CFAP54: variants seen among roughly 807,000 people sequenced by gnomAD.
CFAP54 encodes the protein cilia and flagella associated protein 54.
Under a neutral mutation model 370.4 loss-of-function variants are expected in CFAP54, and 290 were observed. That is an observed-to-expected ratio of 0.78 (90% CI 0.71 to 0.86). The LOEUF is 0.86. CFAP54 is among the 40% of genes least tolerant of loss of function. The pLI is 0.00. For synonymous variants in CFAP54, 1,206 were observed against 1,236.5 expected, an observed-to-expected ratio of 0.98 and a Z score of 0.52; for missense variants, 3,399 against 3,528.7, an observed-to-expected ratio of 0.96 and a Z score of 0.93.
intron 50 of CFAP54, 102 bp downstream of exon 50, chr12:96,720,667 A>G (rs1957740472): frequency 2.1e-6 from 2 of 962,292 alleles, no homozygotes; most frequent in Non-Finnish European, 2.8e-6. Context: ...AGAAATTCCT[A>G]TATCCATAGT....
chr12:96,508,684 G>A lies in CFAP54; in HGVS notation c.739+1585G>A, dbSNP rs568572377. ...CCTTTTCTCTTTTTTAATACACATGGCATTGTGCTCTAGATTTTATTCTGT... is the reference window on the plus strand; with the variant it reads ...CCTTTTCTCTTTTTTAATACACATGACATTGTGCTCTAGATTTTATTCTGT... On this transcript the variant is annotated intron_variant, in intron 4 of 67. Transcript: ENST00000524981. Among the ~76,000 whole-genome samples, 81 of 149,986 alleles carry A rather than the reference G, an allele frequency of 5.4e-4. No individual in the cohort carries two copies. In the Middle Eastern group the frequency reaches 0.01, roughly 19 times the overall value.
At chr12:96,529,225 TTTG>T (rs1481362401) in intron 9 of CFAP54, among the ~76,000 whole-genome samples, 11 of 152,184 alleles carry the variant, frequency 7.2e-5, no homozygotes, top group Admixed American at 3.3e-4. Flanking sequence ...CTATGTATTT[TTTG>T]TTGTTGTTGG....
At chr12:96,794,382 AG>A (rs1278098063) in intron 63 of CFAP54, among the ~76,000 whole-genome samples, 1 of 150,742 alleles carries the variant, frequency 6.6e-6, no homozygotes, top group Admixed American at 6.6e-5. Flanking sequence ...AATTATTCTT[AG>A]GTTTAGTTGT....
At chr12:96,845,765 C>A (rs1959325816) in intron 66 of CFAP54, among the ~76,000 whole-genome samples, 2 of 152,146 alleles carry the variant, frequency 1.3e-5, no homozygotes, top group African/African-American at 4.8e-5. Flanking sequence ...GGCTTCCCAA[C>A]AATGAACTCA....
intron 14 of CFAP54, among the ~76,000 whole-genome samples, chr12:96,542,317 C>T (rs1309888328): frequency 6.6e-6 from 1 of 152,112 alleles, no homozygotes; most frequent in Non-Finnish European, 1.5e-5. Flanking sequence ...TAGCCTGGAC[C>T]TTTTTAGTCT....
At chr12:96,821,786 A>G (rs772691783) in intron 65 of CFAP54, among the ~76,000 whole-genome samples, 2 of 151,720 alleles carry the variant, frequency 1.3e-5, no homozygotes, top group African/African-American at 2.4e-5. Context: ...TGTCATGACA[A>G]CCTTCACATG....
At chr12:96,858,614 A>G (rs1034820021) in intron 66 of CFAP54, among the ~76,000 whole-genome samples, 2 of 152,124 alleles carry the variant, frequency 1.3e-5, no homozygotes, top group African/African-American at 4.8e-5. Context: ...CAGGGTTTGT[A>G]TAGTGTTGAA....
intron 67 of CFAP54, among the ~76,000 whole-genome samples, chr12:96,871,862 G>GA (rs936842937): frequency 2.6e-5 from 4 of 151,984 alleles, no homozygotes; most frequent in Non-Finnish European, 5.9e-5. Flanking sequence ...TAAGCACTGA[G>GA]AAAAAAATGA....
intron 33 of CFAP54, chr12:96,646,773 T>TA (rs1956798086): frequency 6.6e-6 from 1 of 152,174 alleles, no homozygotes; most frequent in African/African-American, 2.4e-5. Context: ...TATGCAGCCA[T>TA]AAAAAATGAT....
At chr12:96,591,992 T>C (rs1448839112) in intron 23 of CFAP54, among the ~76,000 whole-genome samples, 2 of 151,986 alleles carry the variant, frequency 1.3e-5, no homozygotes, top group African/African-American at 2.4e-5. Context: ...AATGACTCAG[T>C]TGATGTAATC....
intron 56 of CFAP54, among the ~76,000 whole-genome samples, chr12:96,756,077 G>A (rs1207622194): frequency 6.6e-6 from 1 of 152,170 alleles, no homozygotes; most frequent in Non-Finnish European, 1.5e-5. Flanking sequence ...GAGGGCAGAT[G>A]TTTTCTATGA....
intron 66 of CFAP54, among the ~76,000 whole-genome samples, chr12:96,854,331 G>A (rs950081698): frequency 2.6e-5 from 4 of 151,976 alleles, no homozygotes; most frequent in Non-Finnish European, 5.9e-5. Context: ...TAGCGAAATA[G>A]CAAAACAACA....
chr12:96,535,367 A>G (rs1955490983), intron 11 of CFAP54, 148 bp from the exon 12 acceptor site: 4 of 608,852 alleles, frequency 6.6e-6, no homozygotes, highest in Non-Finnish European at 1.2e-5. Flanking sequence ...GTTTTCATAT[A>G]GAAGTATTTA....
At chr12:96,748,100 G>T (rs1958138516) in intron 55 of CFAP54, among the ~76,000 whole-genome samples, 1 of 151,874 alleles carries the variant, frequency 6.6e-6, no homozygotes, top group African/African-American at 2.4e-5. Context: ...TCCCTCATAG[G>T]CCATCCCCAG....
intron 6 of CFAP54, 23 bp downstream of exon 6, chr12:96,519,094 G>T: frequency 4.6e-6 from 7 of 1,506,466 alleles, no homozygotes; most frequent in Non-Finnish European, 6.2e-6. Context: ...TTAACTCTGA[G>T]GAGTCGAGTT....
chr12:96,617,948 C>G (rs1220265551), intron 26 of CFAP54, among the ~76,000 whole-genome samples: 1 of 141,922 alleles, frequency 7.0e-6, no homozygotes, highest in African/African-American at 2.6e-5. Context: ...CGAGATTATG[C>G]CACTGTACTC....
At chr12:96,825,766 T>G (rs1959092321) in intron 65 of CFAP54, among the ~76,000 whole-genome samples, 1 of 127,974 alleles carries the variant, frequency 7.8e-6, no homozygotes, top group African/African-American at 3.1e-5. Flanking sequence ...TGTATCATGA[T>G]ATATATTACA....
At chr12:96,740,902 A>T (rs1336119719) in intron 51 of CFAP54, among the ~76,000 whole-genome samples, 1 of 152,128 alleles carries the variant, frequency 6.6e-6, no homozygotes, top group Non-Finnish European at 1.5e-5. Flanking sequence ...AAGTTGCTAA[A>T]CTTCCTTTAA....
chr12:96,737,680 G>C (rs574482313), intron 50 of CFAP54, among the ~76,000 whole-genome samples: 1 of 151,810 alleles, frequency 6.6e-6, no homozygotes, highest in Non-Finnish European at 1.5e-5. Context: ...AGTAGAGACG[G>C]GGTTTCACCG....
Sources: gnomAD v4.1 joint callset for allele counts (sites outside exome capture counted in the v4.1 genomes callset) on GRCh38, gnomAD v4.1.1 for gene constraint, MANE v1.5 for transcripts, NCBI Gene and HGNC (gene_info 2026-07-23, HGNC 2026-07-21) for gene names.